Variants in QTGAL observed in about 807,000 individuals in gnomAD.
The protein encoded by QTGAL is queuosine-tRNA galactosyltransferase, also known as BGnT-like protein 1.
chr17:82,956,765 C>G, the QTGAL span: 246 of 1,579,276 alleles, frequency 1.6e-4, no homozygotes, highest in Non-Finnish European at 2.1e-4. This position sits in a 1 kb window ranked among gnomAD's most constrained non-coding sequence, Gnocchi z 5.7. Flanking sequence ...GGGCTTGGGT[C>G]TTTCCTGAGA....
the QTGAL span, among the ~76,000 whole-genome samples, chr17:83,019,738 TC>T: frequency 6.6e-6 from 1 of 152,190 alleles, no homozygotes; most frequent in Non-Finnish European, 1.5e-5. Flanking sequence ...TAGAACTTTC[TC>T]TCTTTTTTTT....
chr17:82,958,944 GTGTGGGGGTGTATGTGTGTGTGTGTACAC>G, the QTGAL span, among the ~76,000 whole-genome samples: 6 of 97,820 alleles, frequency 6.1e-5, no homozygotes, highest in African/African-American at 2.0e-4. Context: ...TGTGTATACT[GTGTGGGGGTGTATGTGTGTGTGTGTACAC>G]TGTGGGGGTG....
the QTGAL span, among the ~76,000 whole-genome samples, chr17:83,050,903 G>A: frequency 1.5e-4 from 23 of 152,082 alleles, no homozygotes; most frequent in South Asian, 4.8e-3. Context: ...AGGACGCAGA[G>A]CAGGTGTGTG....
chr17:83,010,490 T>C, the QTGAL span, among the ~76,000 whole-genome samples: 1 of 152,218 alleles, frequency 6.6e-6, no homozygotes, highest in African/African-American at 2.4e-5. Context: ...TCTGGCATGT[T>C]CTGCCCCTTC....
At chr17:83,005,891 C>T in the QTGAL span, 1 of 1,369,018 alleles carries the variant, frequency 7.3e-7, no homozygotes, top group Non-Finnish European at 9.4e-7. This position sits in a 1 kb window ranked among gnomAD's most constrained non-coding sequence, Gnocchi z 5.6. Context: ...GACCTCTGCC[C>T]CGGAGTGGGC....
chr17:83,024,661 C>T, the QTGAL span, among the ~76,000 whole-genome samples: 1 of 152,248 alleles, frequency 6.6e-6, no homozygotes, highest in Non-Finnish European at 1.5e-5. Context: ...TGTTAACACG[C>T]CCCCGGGGCT....
the QTGAL span, chr17:82,961,227 C>T: frequency 3.7e-5 from 59 of 1,582,312 alleles, no homozygotes; most frequent in Middle Eastern, 7.8e-4. Context: ...CCCAGAAACG[C>T]GTGCCTGCCC....
At chr17:82,958,862 TGTG>T in the QTGAL span, among the ~76,000 whole-genome samples, 1 of 24,026 alleles carries the variant, frequency 4.2e-5, no homozygotes, top group Non-Finnish European at 6.9e-5. Context: ...GGGTGTATGG[TGTG>T]TGTGTGTGTG....
At chr17:82,963,241 C>G in the QTGAL span, among the ~76,000 whole-genome samples, 1 of 152,242 alleles carries the variant, frequency 6.6e-6, no homozygotes, top group East Asian at 1.9e-4. Flanking sequence ...TGTGGAGACT[C>G]GGATCCTGAG....
the QTGAL span, among the ~76,000 whole-genome samples, chr17:83,019,559 G>T: frequency 6.6e-6 from 1 of 152,182 alleles, no homozygotes; most frequent in Non-Finnish European, 1.5e-5. Flanking sequence ...GTTTCACGGG[G>T]ACAGAGCTTC....
chr17:82,963,403 G>A, the QTGAL span, among the ~76,000 whole-genome samples: 1 of 152,172 alleles, frequency 6.6e-6, no homozygotes, highest in Non-Finnish European at 1.5e-5. Flanking sequence ...CTCGAGCCAG[G>A]GCCCAGCGAT....
the QTGAL span, among the ~76,000 whole-genome samples, chr17:82,990,343 G>A: frequency 6.6e-6 from 1 of 152,234 alleles, no homozygotes. Flanking sequence ...CTCAGTGTGT[G>A]ATCAGCTGGG....
the QTGAL span, chr17:83,005,893 G>A: frequency 1.5e-4 from 199 of 1,366,372 alleles, no homozygotes; most frequent in Non-Finnish European, 1.8e-4. The surrounding 1 kb of genome is among the most constrained non-coding windows in gnomAD (Gnocchi z 5.6). Flanking sequence ...CCTCTGCCCC[G>A]GAGTGGGCTC....
At chr17:83,021,457 AT>A in the QTGAL span, among the ~76,000 whole-genome samples, 1 of 152,310 alleles carries the variant, frequency 6.6e-6, no homozygotes, top group Admixed American at 6.5e-5. Context: ...TAAGAGATAT[AT>A]TTTATTAAAT....
At chr17:83,006,360 T>TTTG in the QTGAL span, 9 of 985,310 alleles carry the variant, frequency 9.1e-6, no homozygotes, top group Admixed American at 6.1e-5. The surrounding 1 kb of genome is among the most constrained non-coding windows in gnomAD (Gnocchi z 5.8). Flanking sequence ...TCTGTTTGCA[T>TTTG]TTGTTGTTGT....
chr17:82,998,059 T>C, the QTGAL span, among the ~76,000 whole-genome samples: 1 of 151,198 alleles, frequency 6.6e-6, no homozygotes, highest in South Asian at 2.1e-4. Context: ...CACAACAGGG[T>C]GACTATAGTC....
the QTGAL span, among the ~76,000 whole-genome samples, chr17:82,976,292 T>C: frequency 4.3e-4 from 23 of 53,118 alleles, 1 homozygote; most frequent in South Asian, 5.8e-4. Context: ...CAGAGCCGGA[T>C]TCCATCCTCC....
the QTGAL span, among the ~76,000 whole-genome samples, chr17:82,960,825 C>T: frequency 2.0e-5 from 3 of 152,222 alleles, no homozygotes; most frequent in South Asian, 2.1e-4. Flanking sequence ...GAAGGACGTT[C>T]GGCCTTCACC....
chr17:82,947,038 T>C, the QTGAL span: 4 of 1,462,946 alleles, frequency 2.7e-6, no homozygotes, highest in Non-Finnish European at 3.7e-6. Context: ...AGGAGGCCAC[T>C]GTGGAGCCTC....
Sources: gnomAD v4.1 joint callset for allele counts (sites outside exome capture counted in the v4.1 genomes callset) on GRCh38, gnomAD v4.1.1 for gene constraint, Gnocchi (gnomAD v3.1) non-coding constraint, MANE v1.5 for transcripts, NCBI Gene and HGNC (gene_info 2026-07-23, HGNC 2026-07-21) for gene names.